Variants in BTD observed in about 807,000 individuals in gnomAD.
BTD encodes the protein biotinidase.
Under a neutral mutation model 17.7 loss-of-function variants are expected in BTD, and 13 were observed. That is an observed-to-expected ratio of 0.74 (90% confidence interval 0.48 to 1.17). BTD has a LOEUF of 1.17. Among genes scored for constraint, BTD ranks in the 50% most tolerant of loss-of-function variants. The pLI is 0.00. For missense variants in BTD, 674 were observed against 650.4 expected (o/e 1.04, Z -0.39); for synonymous variants, 240 against 245.2 (o/e 0.98, Z 0.20).
intron 3 of BTD, among the ~76,000 whole-genome samples, chr3:15,690,427 C>T (rs1456655850): frequency 6.6e-6 from 1 of 152,156 alleles, no homozygotes; most frequent in African/African-American, 2.4e-5. Flanking sequence ...AACAGGCATT[C>T]TAAAAATAAT....
At chr3:15,656,157 T>C (rs1009289375), downstream of BTD, among the ~76,000 whole-genome samples, 25 of 152,222 alleles carry the variant, frequency 1.6e-4, no homozygotes, top group African/African-American at 5.8e-4. Context: ...AGTTTCTCTT[T>C]AAAGATTTAG....
At chr3:15,720,046 T>A (rs1461715630) in intron 4 of BTD, among the ~76,000 whole-genome samples, 1 of 152,034 alleles carries the variant, frequency 6.6e-6, no homozygotes, top group Non-Finnish European at 1.5e-5. Context: ...ATTTTCTATT[T>A]TTTTGTGGAG....
downstream of BTD, chr3:15,714,662 G>T (rs1484824967): frequency 6.3e-6 from 10 of 1,575,562 alleles, no homozygotes; most frequent in Admixed American, 2.0e-5. Flanking sequence ...TTACTCTGGG[G>T]GGGGAAGAAA....
At chr3:15,626,860 C>T (rs934938600) in intron 1 of BTD, among the ~76,000 whole-genome samples, 2 of 151,656 alleles carry the variant, frequency 1.3e-5, no homozygotes, top group East Asian at 1.9e-4. Context: ...CCTACTGAGA[C>T]TCTAGATGGC....
At chr3:15,633,673 C>T (rs914778133) in intron 1 of BTD, among the ~76,000 whole-genome samples, 1 of 152,184 alleles carries the variant, frequency 6.6e-6, no homozygotes, top group Non-Finnish European at 1.5e-5. Flanking sequence ...GGTTCATACC[C>T]TCCTCTCCTG....
intron 3 of BTD, among the ~76,000 whole-genome samples, chr3:15,644,086 C>T (rs941395588): frequency 2.0e-5 from 3 of 151,874 alleles, no homozygotes; most frequent in East Asian, 3.9e-4. Context: ...CTGCAAGCTC[C>T]GCCTACTGGG....
At chr3:15,710,855 T>C (rs1249861420) in exon 4 of BTD, among the ~76,000 whole-genome samples, 4 of 152,098 alleles carry the variant, frequency 2.6e-5, no homozygotes, top group Non-Finnish European at 1.5e-5. Flanking sequence ...AATTAACAAA[T>C]CTACTTAAAG....
chr3:15,613,891 C>G (rs1559579619), intron 1 of BTD, among the ~76,000 whole-genome samples: 2 of 152,046 alleles, frequency 1.3e-5, no homozygotes, highest in Non-Finnish European at 2.9e-5. Context: ...CTGCTGTTTT[C>G]AAATCACCAT....
intron 3 of BTD, chr3:15,668,470 TAAAGA>T (rs1362026848): frequency 1.3e-5 from 2 of 152,428 alleles, no homozygotes; most frequent in African/African-American, 2.4e-5. Flanking sequence ...CTTTATATTA[TAAAGA>T]AAAGATGGGG....
chr3:15,693,984 A>AT (rs2069167989), intron 3 of BTD, among the ~76,000 whole-genome samples: 1 of 152,154 alleles, frequency 6.6e-6, no homozygotes, highest in Non-Finnish European at 1.5e-5. Flanking sequence ...CCTTATAAGC[A>AT]TTTTACTAAA....
At chr3:15,603,524 G>C (rs2064346124) in intron 1 of BTD, among the ~76,000 whole-genome samples, 1 of 152,116 alleles carries the variant, frequency 6.6e-6, no homozygotes, top group Admixed American at 6.5e-5. Context: ...GGGCATGGTG[G>C]CAGGCGCCTG....
chr3:15,690,016 T>C, intron 3 of BTD: 1 of 1,602,138 alleles, frequency 6.2e-7, no homozygotes, highest in Non-Finnish European at 8.5e-7. Context: ...ATATCTGGCA[T>C]ACCTGCTGCA....
downstream of BTD, among the ~76,000 whole-genome samples, chr3:15,715,113 A>G (rs1244694730): frequency 7.9e-5 from 12 of 152,198 alleles, no homozygotes; most frequent in Non-Finnish European, 1.8e-4. Flanking sequence ...ATTTTCTCAA[A>G]TCACTTAAAA....
At chr3:15,678,172 TA>T in intron 3 of BTD, 1 of 1,564,468 alleles carries the variant, frequency 6.4e-7, no homozygotes, top group Non-Finnish European at 8.6e-7. Flanking sequence ...GTGATACACA[TA>T]CTTAGGAAAA....
intron 3 of BTD, among the ~76,000 whole-genome samples, chr3:15,704,308 AT>A (rs1233445491): frequency 6.6e-6 from 1 of 152,020 alleles, no homozygotes; most frequent in East Asian, 1.9e-4. Flanking sequence ...GTCACGGAAG[AT>A]TTCATGTATT....
Position 15,635,366 on chromosome 3 carries a change from TA to T in BTD, c.-16-55del. The T allele has an allele frequency of 6.2e-7, 1 of 1,612,406 alleles. No homozygotes were observed. The highest frequency in any genetic ancestry group is 2.2e-5 in the East Asian group (1 of 44,890). On this transcript the variant is annotated intron_variant, in intron 1 of 3. Coordinates refer to ENST00000643237, the MANE Select transcript of BTD (RefSeq NM_001370658.1). This position sits in a 1 kb window ranked among gnomAD's most constrained non-coding sequence, Gnocchi z 4.1. ...ATTAATAAATCACAGCTGCAAACGT[TA>T]AATTCTTGGCAGGATTCTTTATTCA...
chr3:15,618,197 C>A (rs756077739), intron 1 of BTD, among the ~76,000 whole-genome samples: 2 of 152,166 alleles, frequency 1.3e-5, no homozygotes, highest in Non-Finnish European at 2.9e-5. Context: ...AAACTCCTGG[C>A]CTCAAATGAT....
chr3:15,713,714 T>TA (rs2072628040), downstream of BTD: 2 of 943,552 alleles, frequency 2.1e-6, no homozygotes, highest in Admixed American at 5.6e-5. Flanking sequence ...TGAAAAGTAA[T>TA]AAAAAATGCT....
chr3:15,635,558 C>T lies in BTD; in HGVS notation c.119C>T (p.Ala40Val). ...ADHHEAEYYV[A>V]AVYEHPSILS... ...CATCACGAGGCTGAATATTATGTGG[C>T]TGCCGTGTATGAGCATCCATCCATC... The change falls in exon 2 of 4, where the codon GCT (alanine) becomes GTT (valine). Residue 40 changes from alanine to valine, a missense_variant. Ala to Val is a moderately conservative substitution (Grantham distance 64). Coordinates refer to ENST00000643237, the MANE Select transcript of BTD (RefSeq NM_001370658.1). This position sits in a 1 kb window ranked among gnomAD's most constrained non-coding sequence, Gnocchi z 4.1. 6.2e-7 allele frequency: 1 copy of T among 1,614,198 alleles called. No individual in the cohort carries two copies. Among genetic ancestry groups the T allele is most frequent in the Non-Finnish European group, 8.5e-7 (1 of 1,180,046 alleles).
Sources: allele counts gnomAD v4.1 joint callset (sites outside exome capture counted in the v4.1 genomes callset), GRCh38; gene constraint gnomAD v4.1.1; non-coding constraint Gnocchi (gnomAD v3.1); transcripts MANE v1.5; gene names NCBI Gene and HGNC (gene_info 2026-07-23, HGNC 2026-07-21).